The following TRAF3 variants were observed in gnomAD, a reference collection of about 807,000 sequenced individuals.
TRAF3 encodes the protein TNF receptor associated factor 3, also known as TNF receptor-associated factor 3.
Under a neutral mutation model 62.3 loss-of-function variants are expected in TRAF3, and 13 were observed. That is an observed-to-expected ratio of 0.21 (90% CI 0.14 to 0.33). TRAF3 has a LOEUF of 0.33. Ranked by LOEUF, TRAF3 falls within the 10% of genes least tolerant of loss-of-function variation. The pLI, the probability that TRAF3 is intolerant of heterozygous loss-of-function variation, is 1.00. For synonymous variants in TRAF3, 269 were observed against 283.4 expected (o/e 0.95, Z 0.51); for missense variants, 440 against 741.8 (o/e 0.59, Z 4.73).
intron 1 of TRAF3, among the ~76,000 whole-genome samples, chr14:102,795,473 A>G (rs1898018377): frequency 6.6e-6 from 1 of 152,172 alleles, no homozygotes; most frequent in Non-Finnish European, 1.5e-5. Context: ...CTTTGTTCCC[A>G]AGTAAGTCTT....
chr14:102,866,865 A>G (rs1041181226), intron 2 of TRAF3, among the ~76,000 whole-genome samples: 10 of 142,220 alleles, frequency 7.0e-5, no homozygotes, highest in African/African-American at 3.0e-4. Flanking sequence ...ACACACACAC[A>G]CACACACACA....
intron 2 of TRAF3, among the ~76,000 whole-genome samples, chr14:102,836,295 C>A (rs1319575004): frequency 2.0e-5 from 3 of 152,204 alleles, no homozygotes; most frequent in Admixed American, 6.5e-5. Context: ...CTCTAACCTA[C>A]ATTTAAAGAT....
Position 102,905,319 on chromosome 14 carries a change from C to T in TRAF3, c.1242C>T (p.Tyr414=), listed in dbSNP as rs747125046. The T allele has an allele frequency of 4.3e-5, 70 of 1,614,106 alleles. No individual in the cohort carries two copies. Among genetic ancestry groups the T allele is most frequent in the Non-Finnish European group, 5.9e-5 (70 of 1,180,040 alleles). The part of the protein sequence containing the change: ...LRFQVLETAS[Y]NGVLIWKIRD... ...TCCAGGTCCTGGAGACCGCCAGCTACAATGGAGTGCTCATCTGGAAGATTC... is the reference window on the plus strand; with the variant it reads ...TCCAGGTCCTGGAGACCGCCAGCTATAATGGAGTGCTCATCTGGAAGATTC... The change falls in exon 12 of 12, where the codon TAC becomes TAT. Residue 414 remains tyrosine (Y), a synonymous_variant. Coordinates refer to ENST00000392745, the MANE Select transcript of TRAF3 (RefSeq NM_145725.3).
At chr14:102,815,576 G>A (rs1595317451) in intron 1 of TRAF3, among the ~76,000 whole-genome samples, 2 of 151,958 alleles carry the variant, frequency 1.3e-5, no homozygotes, top group African/African-American at 4.8e-5. Context: ...GTGAGATAGG[G>A]GTCCAGTTTC....
intron 10 of TRAF3, among the ~76,000 whole-genome samples, chr14:102,898,114 G>C (rs1016163658): frequency 6.6e-6 from 1 of 152,186 alleles, no homozygotes; most frequent in Non-Finnish European, 1.5e-5. Context: ...GAACTTAGAC[G>C]GTGTGTCCCT....
chr14:102,797,033 A>G (rs565685256), intron 1 of TRAF3, among the ~76,000 whole-genome samples: 61 of 152,284 alleles, frequency 4.0e-4, no homozygotes, highest in Non-Finnish European at 5.1e-4. Context: ...AAAGAAGGGT[A>G]ATGAGTCTTG....
chr14:102,834,314 C>T (rs946156368), intron 2 of TRAF3, among the ~76,000 whole-genome samples: 18 of 152,110 alleles, frequency 1.2e-4, no homozygotes, highest in Admixed American at 3.3e-4. Flanking sequence ...ATCTCATCTT[C>T]GACAAAGCTG....
chr14:102,849,372 C>T (rs1240402246), intron 2 of TRAF3, among the ~76,000 whole-genome samples: 1 of 152,234 alleles, frequency 6.6e-6, no homozygotes, highest in Non-Finnish European at 1.5e-5. Context: ...CTTGGCTCCT[C>T]TCGCTGCTTC....
At chr14:102,848,464 G>A (rs918879172) in intron 2 of TRAF3, among the ~76,000 whole-genome samples, 1 of 152,164 alleles carries the variant, frequency 6.6e-6, no homozygotes, top group Admixed American at 6.5e-5. Flanking sequence ...ATGTTAGAAT[G>A]TTAAAAATAA....
At chr14:102,889,411 A>G in intron 7 of TRAF3, 149 bp from the exon 8 acceptor site, 1 of 768,854 alleles carries the variant, frequency 1.3e-6, no homozygotes, top group Non-Finnish European at 2.3e-6. Flanking sequence ...TTTACTGCAT[A>G]GAAGTCTAGG....
At chr14:102,804,056 C>T (rs541542862) in intron 1 of TRAF3, among the ~76,000 whole-genome samples, 1 of 152,126 alleles carries the variant, frequency 6.6e-6, no homozygotes, top group Non-Finnish European at 1.5e-5. Context: ...GTCCCAGCTA[C>T]TCAGGAGGCG....
Position 102,903,505 on chromosome 14 carries a change from T to C in TRAF3, c.1135+76T>C. On this transcript the variant is annotated intron_variant, in intron 11 of 11. Transcript: ENST00000392745. The surrounding 1 kb of genome is among the most constrained non-coding windows in gnomAD (Gnocchi z 6.4). The stretch of plus-strand genomic sequence containing the variant: ...GAGTGCTGGGGCGGGGTCCGTGGGA[T>C]GAGGGCTATGTTAGGTACATGTGCC... 3 of 1,596,000 alleles carry C rather than the reference T, an allele frequency of 1.9e-6. No homozygotes were observed. Among genetic ancestry groups the C allele is most frequent in the Non-Finnish European group, 1.7e-6 (2 of 1,168,644 alleles).
At chr14:102,843,043 A>G (rs1886470986) in intron 2 of TRAF3, among the ~76,000 whole-genome samples, 1 of 151,934 alleles carries the variant, frequency 6.6e-6, no homozygotes. Context: ...CCTCGTCTCT[A>G]CTAAAAAAAA....
At chr14:102,792,297 T>G (rs1383990315) in intron 1 of TRAF3, among the ~76,000 whole-genome samples, 2 of 151,696 alleles carry the variant, frequency 1.3e-5, no homozygotes, top group African/African-American at 4.8e-5. Flanking sequence ...CCTGCTAATT[T>G]TTTAATTTTT....
intron 8 of TRAF3, among the ~76,000 whole-genome samples, chr14:102,890,008 G>A (rs566789993): frequency 6.6e-6 from 1 of 152,390 alleles, no homozygotes; most frequent in South Asian, 2.1e-4. Flanking sequence ...AGTTTCAACA[G>A]CGTGTGTGTC....
chr14:102,880,228 C>G (rs1031496940), intron 6 of TRAF3, among the ~76,000 whole-genome samples: 1 of 152,154 alleles, frequency 6.6e-6, no homozygotes, highest in African/African-American at 2.4e-5. Context: ...CCTATAATCC[C>G]AGAACTCTGG....
chr14:102,793,030 G>A (rs763003267), intron 1 of TRAF3, among the ~76,000 whole-genome samples: 11 of 151,682 alleles, frequency 7.3e-5, no homozygotes, highest in Non-Finnish European at 1.2e-4. Context: ...GGCTGGTCTC[G>A]AACACGTGGT....
chr14:102,883,835 C>T (rs1473809520), intron 6 of TRAF3, among the ~76,000 whole-genome samples: 1 of 152,190 alleles, frequency 6.6e-6, no homozygotes, highest in African/African-American at 2.4e-5. Context: ...ATCCGCCTGT[C>T]TCGGCCTCCC....
chr14:102,841,584 C>T (rs918279481), intron 2 of TRAF3, among the ~76,000 whole-genome samples: 5 of 152,176 alleles, frequency 3.3e-5, no homozygotes, highest in African/African-American at 1.2e-4. Flanking sequence ...GGGCTGCTCC[C>T]GACTTGCCCT....
Sources: gnomAD v4.1 joint callset for allele counts (sites outside exome capture counted in the v4.1 genomes callset) on GRCh38, gnomAD v4.1.1 for gene constraint, Gnocchi (gnomAD v3.1) non-coding constraint, MANE v1.5 for transcripts, NCBI Gene and HGNC (gene_info 2026-07-23, HGNC 2026-07-21) for gene names.